ERMP1: variants seen among roughly 807,000 people sequenced by gnomAD.
ERMP1 encodes Felix-ina.
A neutral mutation model predicts 92.0 loss-of-function variants in ERMP1; 86 were observed. The observed-to-expected ratio is 0.93, with a 90% CI of 0.79 to 1.12. The LOEUF is 1.12. Among genes scored for constraint, ERMP1 ranks in the 50% most tolerant of loss-of-function variants. ERMP1 has a pLI of 0.00. For missense variants in ERMP1, 1,342 were observed against 1,116.3 expected, an observed-to-expected ratio of 1.20 and a Z score of -2.88; for synonymous variants, 530 against 412.8, an observed-to-expected ratio of 1.28 and a Z score of -3.44.
intron 12 of ERMP1, 42 bp from the exon 13 acceptor site, chr9:5,797,974 T>G: frequency 1.7e-6 from 2 of 1,198,718 alleles, no homozygotes; most frequent in Non-Finnish European, 2.5e-6. Context: ...GCTTTATTAT[T>G]TGATGGCTAT....
chr9:5,787,225 T>G lies in ERMP1; in HGVS notation c.2634A>C (p.Gln878His). 1.9e-6 allele frequency: 3 copies of G among 1,614,068 alleles called. No homozygotes were observed. The highest frequency in any genetic ancestry group is 2.5e-6 in the Non-Finnish European group (3 of 1,179,952). Reference protein sequence around the residue: ...YLSGEDKRSPQLDALKEKFPD... With the variant: ...YLSGEDKRSPHLDALKEKFPD... ...GGAACTTTTCCTTCAGAGCATCCAG[T>G]TGAGGGGATCTCTTGTCTTCCCCAG... Residue 878 changes from glutamine to histidine, a missense_variant, in exon 15 of 15, where the codon CAA becomes CAC. By Grantham distance (24) the Gln-to-His change is conservative. Transcript: ENST00000339450.
At chr9:5,822,916 G>C (rs565256436) in intron 4 of ERMP1, among the ~76,000 whole-genome samples, 64 of 152,262 alleles carry the variant, frequency 4.2e-4, no homozygotes, top group African/African-American at 1.5e-3. Flanking sequence ...CACATGCTTA[G>C]CGTTCCAATA....
At chr9:5,835,866 T>C (rs1439690440), upstream of ERMP1, among the ~76,000 whole-genome samples, 1 of 152,198 alleles carries the variant, frequency 6.6e-6, no homozygotes, top group African/African-American at 2.4e-5. Flanking sequence ...TCAAAGCCAG[T>C]TTGATCTATA....
chr9:5,857,180 C>T (rs11791569), intron 6 of ERMP1, among the ~76,000 whole-genome samples: 5,852 of 152,154 alleles, frequency 0.038, 154 homozygotes, highest in Non-Finnish European at 0.056. Context: ...TGCAATCATG[C>T]CTGGCTAATT....
At chr9:5,807,962 G>A (rs564621244) in intron 8 of ERMP1, among the ~76,000 whole-genome samples, 1 of 152,122 alleles carries the variant, frequency 6.6e-6, no homozygotes, top group South Asian at 2.1e-4. Context: ...ACATTCTTAT[G>A]GCTCTCTTAT....
intron 6 of ERMP1, among the ~76,000 whole-genome samples, chr9:5,841,238 A>G (rs1830159133): frequency 6.6e-6 from 1 of 152,248 alleles, no homozygotes. Flanking sequence ...TTAAAAAATT[A>G]TAAAAACTTG....
At chr9:5,804,280 G>A (rs1308076475) in intron 10 of ERMP1, among the ~76,000 whole-genome samples, 3 of 152,086 alleles carry the variant, frequency 2.0e-5, no homozygotes, top group Non-Finnish European at 4.4e-5. Flanking sequence ...ATCTTGGATC[G>A]TGGAGGTGGA....
intron 10 of ERMP1, among the ~76,000 whole-genome samples, chr9:5,803,483 G>T (rs934743425): frequency 1.1e-4 from 17 of 152,128 alleles, no homozygotes; most frequent in African/African-American, 3.6e-4. Context: ...GGTTCATTTT[G>T]CCCCCTTTCA....
At chr9:5,835,554 G>A (rs1352649539), upstream of ERMP1, among the ~76,000 whole-genome samples, 19 of 152,306 alleles carry the variant, frequency 1.2e-4, no homozygotes, top group Admixed American at 1.2e-3. Context: ...GGGAGAGAAT[G>A]TTCCAGCAGA....
intron 13 of ERMP1, among the ~76,000 whole-genome samples, chr9:5,795,790 AAAAG>A (rs1001212250): frequency 4.2e-4 from 64 of 152,222 alleles, no homozygotes; most frequent in African/African-American, 1.5e-3. Flanking sequence ...AAGAAAAAGA[AAAAG>A]AAAAGAAAAT....
At chr9:5,866,624 G>C (rs775185203) in intron 5 of ERMP1, among the ~76,000 whole-genome samples, 4 of 152,134 alleles carry the variant, frequency 2.6e-5, no homozygotes, top group Non-Finnish European at 5.9e-5. Context: ...CTGGAGGCAT[G>C]GGAAACTAAG....
chr9:5,835,507 A>T (rs1158455003), upstream of ERMP1, among the ~76,000 whole-genome samples: 2 of 152,214 alleles, frequency 1.3e-5, no homozygotes, highest in Admixed American at 6.5e-5. Context: ...ATTTGAGGTG[A>T]CCTGAATGAA....
intron 5 of ERMP1, among the ~76,000 whole-genome samples, chr9:5,866,561 A>C (rs1384066936): frequency 6.6e-6 from 1 of 152,014 alleles, no homozygotes; most frequent in African/African-American, 2.4e-5. Flanking sequence ...CCTCTCAACC[A>C]CTCCAAAAGA....
chr9:5,833,132 A>G (rs569102645), upstream of ERMP1: 9 of 1,070,328 alleles, frequency 8.4e-6, no homozygotes, highest in South Asian at 1.5e-4. Context: ...AGCGGACGGA[A>G]ACTGCAGAGG....
In ERMP1 at chr9:5,817,259, G is replaced by A. The variant is rs547720728; in HGVS notation, c.875-4224C>T. On this transcript the variant is annotated intron_variant, in intron 4 of 14. Coordinates refer to ENST00000339450, the MANE Select transcript of ERMP1 (RefSeq NM_024896.3). ...GGCTGGAATGCAATGGCATGATCTC[G>A]GCTCACTGTGACCTCTGCCTCCCGG... Among the ~76,000 whole-genome samples, 24 of 150,938 alleles carry A rather than the reference G, an allele frequency of 1.6e-4. No homozygotes were observed. The Middle Eastern group carries it at 0.017, about 108-fold the overall frequency.
At chr9:5,787,636 G>C (rs780868240) in intron 13 of ERMP1, 43 bp from the exon 14 acceptor site, 1 of 1,570,342 alleles carries the variant, frequency 6.4e-7, no homozygotes, top group East Asian at 2.2e-5. Context: ...CTTTTTAAAA[G>C]GATCAAAAAA....
intron 12 of ERMP1, among the ~76,000 whole-genome samples, chr9:5,798,207 G>A (rs1019366598): frequency 6.6e-6 from 1 of 151,880 alleles, no homozygotes; most frequent in Non-Finnish European, 1.5e-5. Context: ...AATCTTCCCA[G>A]AGAAAACAAT....
At chr9:5,845,767 G>C (rs1830226939) in intron 6 of ERMP1, among the ~76,000 whole-genome samples, 1 of 152,224 alleles carries the variant, frequency 6.6e-6, no homozygotes, top group South Asian at 2.1e-4. Context: ...AGCACGCCTT[G>C]CTAAGGGCTC....
At chr9:5,851,208 T>A (rs1830303956) in intron 6 of ERMP1, among the ~76,000 whole-genome samples, 2 of 152,334 alleles carry the variant, frequency 1.3e-5, no homozygotes, top group South Asian at 4.1e-4. Context: ...CTCTATCTAC[T>A]AGGAAGCTCA....
Sources: allele counts gnomAD v4.1 joint callset (sites outside exome capture counted in the v4.1 genomes callset), GRCh38; gene constraint gnomAD v4.1.1; transcripts MANE v1.5; gene names NCBI Gene and HGNC (gene_info 2026-07-23, HGNC 2026-07-21).